MICAL3: variants seen among roughly 807,000 people sequenced by gnomAD.
MICAL3 encodes the protein microtubule associated monooxygenase, calponin and LIM domain containing 3.
Under a neutral mutation model 207.4 loss-of-function variants are expected in MICAL3, and 62 were observed. The observed-to-expected ratio is 0.30, with a 90% CI of 0.24 to 0.37. The LOEUF (loss-of-function observed/expected upper bound fraction) is 0.37. Among genes scored for constraint, MICAL3 ranks in the 10% least tolerant of loss-of-function variants. MICAL3 has a pLI of 1.00. For missense variants in MICAL3, 2,368 were observed against 2,635.6 expected (o/e 0.90, Z 2.22); for synonymous variants, 1,077 against 1,069.3 (o/e 1.01, Z -0.14).
At chr22:17,876,873 AGGGAGG>A (rs2146188838) in intron 16 of MICAL3, 2 of 141,834 alleles carry the variant, frequency 1.4e-5, no homozygotes, top group South Asian at 2.1e-4. Context: ...TAGGGAGGTT[AGGGAGG>A]TTAGGGAGGT....
At chr22:17,933,592 G>T (rs142470965) in intron 1 of MICAL3, among the ~76,000 whole-genome samples, 3,643 of 151,938 alleles carry the variant, frequency 0.024, 165 homozygotes, top group African/African-American at 0.085. Context: ...ACATTCAAAA[G>T]CTAGCAGAAG....
At chr22:17,855,103 CCTCT>C (rs1256370734) in intron 19 of MICAL3, among the ~76,000 whole-genome samples, 3 of 152,212 alleles carry the variant, frequency 2.0e-5, no homozygotes, top group African/African-American at 7.2e-5. Context: ...TTCCTGAAAA[CCTCT>C]CTATGCCGAA....
In MICAL3 at chr22:17,899,455, A is replaced by G. The variant is rs1946709843; in HGVS notation, c.941T>C (p.Ile314Thr). 6.3e-7 allele frequency: 1 copy of G among 1,599,374 alleles called. No individual in the cohort carries two copies. Among genetic ancestry groups the G allele is most frequent in the African/African-American group, 1.3e-5 (1 of 74,728 alleles). Reference sequence around the variant, plus strand: ...AGGAAATCCGTGGCTCACATGTAGTATCACTCCTTTGTCCAGCAAACTCTG... The same window carrying G: ...AGGAAATCCGTGGCTCACATGTAGTGTCACTCCTTTGTCCAGCAAACTCTG... ...KKQSLLDKGVILHDYADTELL... is the reference protein window; with the variant it reads ...KKQSLLDKGVTLHDYADTELL... The change falls in exon 7 of 32, where the codon ATA (isoleucine) becomes ACA (threonine). Residue 314 changes from isoleucine (I) to threonine (T), a missense_variant. Transcript: ENST00000441493.
At chr22:17,925,459 T>C (rs1249591304) in intron 1 of MICAL3, among the ~76,000 whole-genome samples, 1 of 152,200 alleles carries the variant, frequency 6.6e-6, no homozygotes, top group Admixed American at 6.5e-5. Flanking sequence ...GGATATTTAA[T>C]ATCTCCCAAA....
At chr22:17,971,475 A>G (rs1237389485) in intron 1 of MICAL3, among the ~76,000 whole-genome samples, 1 of 152,152 alleles carries the variant, frequency 6.6e-6, no homozygotes, top group Non-Finnish European at 1.5e-5. Flanking sequence ...GCAAGACTCC[A>G]TGTCAAAACA....
intron 6 of MICAL3, 144 bp from the exon 7 acceptor site, chr22:17,899,692 T>C (rs1173017396): frequency 1.6e-6 from 1 of 625,776 alleles, no homozygotes; most frequent in Admixed American, 2.7e-5. Context: ...GATTCTCACG[T>C]CCTGTATCAT....
At chr22:17,946,817 T>C (rs1934089368) in intron 1 of MICAL3, among the ~76,000 whole-genome samples, 1 of 152,146 alleles carries the variant, frequency 6.6e-6, no homozygotes, top group African/African-American at 2.4e-5. Flanking sequence ...GGTGGGCAAG[T>C]TCCTACAAGC....
chr22:17,853,914 C>T (rs1022000766), intron 19 of MICAL3, among the ~76,000 whole-genome samples: 12 of 152,178 alleles, frequency 7.9e-5, no homozygotes, highest in African/African-American at 1.4e-4. Flanking sequence ...TACAGGGTCC[C>T]GACGTGTGAG....
At chr22:17,874,386 A>C (rs1928053628) in intron 16 of MICAL3, among the ~76,000 whole-genome samples, 1 of 152,180 alleles carries the variant, frequency 6.6e-6, no homozygotes. Context: ...CATTTCTCTC[A>C]TTCTGCAGCA....
chr22:17,979,627 G>T (rs1182701307), intron 1 of MICAL3, among the ~76,000 whole-genome samples: 1 of 152,022 alleles, frequency 6.6e-6, no homozygotes. Flanking sequence ...ATTCCCCACG[G>T]CATCCAGCGC....
rs752699553 is a variant in MICAL3, at chr22:17,871,988, T to A, written c.2277A>T (p.Gly759=). 1 of 1,609,892 alleles carries A rather than the reference T, an allele frequency of 6.2e-7. No homozygotes were observed. Among genetic ancestry groups the A allele is most frequent in the Non-Finnish European group, 8.5e-7 (1 of 1,178,474 alleles). The change falls in exon 17 of 32, where the codon GGA becomes GGT. Residue 759 remains glycine (G), a synonymous_variant. Transcript: ENST00000441493. ...SMKKEFPQNL[G]GSDTCYFCQK... is the part of the protein sequence containing the mutation. ...GGCAGAAGTAGCATGTGTCGCTGCC[T>A]CCCAGGTTCTGCGGGAACTCCTTCT...
chr22:17,809,076 G>C lies in MICAL3; in HGVS notation c.5557-139C>G, dbSNP rs970998194. On this transcript the variant is annotated intron_variant, in intron 28 of 31. Coordinates refer to ENST00000441493, the MANE Select transcript of MICAL3 (RefSeq NM_015241.3). The stretch of plus-strand genomic sequence containing the variant: ...CTAGTCTGTGGGCGGTGCGCTCAGG[G>C]TGTGGCGTGGAGACCACCTGCACCA... The C allele has an allele frequency of 2.9e-5, 20 of 699,070 alleles. No individual in the cohort carries two copies. The African/African-American group carries it at 3.2e-4, about 11-fold the overall frequency. 43.3% of individuals were successfully genotyped at this position (699,070 alleles called of 1,614,324 possible). A position where few individuals can be genotyped will look rare whatever the true frequency, so the allele number is the denominator to read the frequency against.
chr22:17,865,386 C>CA, intron 18 of MICAL3, among the ~76,000 whole-genome samples: 1 of 152,310 alleles, frequency 6.6e-6, no homozygotes, highest in East Asian at 1.9e-4. Context: ...TTCACCGCGA[C>CA]AAAGACAGGT....
At chr22:17,857,919 G>A (rs1926104400) in intron 19 of MICAL3, among the ~76,000 whole-genome samples, 1 of 152,238 alleles carries the variant, frequency 6.6e-6, no homozygotes, top group Non-Finnish European at 1.5e-5. Flanking sequence ...CTGAGTTAGG[G>A]TGAAGATGCT....
chr22:17,897,456 G>C lies in MICAL3; in HGVS notation c.949-475C>G, dbSNP rs951350378. Among the ~76,000 whole-genome samples the C allele has an allele frequency of 7.9e-5, 12 of 151,460 alleles. 1 individual carries two copies. In the South Asian group the frequency reaches 8.4e-4, roughly 11 times the overall value. On this transcript the variant is annotated intron_variant, in intron 7 of 31. Transcript: ENST00000441493. Reference sequence around the variant, plus strand: ...AAAAAAAAAAAAAAAGAGGGGTTTGGGGGGTGGATTATTCCCGAGAGAACA... The same window carrying C: ...AAAAAAAAAAAAAAAGAGGGGTTTGCGGGGTGGATTATTCCCGAGAGAACA...
intron 16 of MICAL3, 59 bp downstream of exon 16, chr22:17,885,819 T>G: frequency 6.5e-7 from 1 of 1,545,072 alleles, no homozygotes; most frequent in Non-Finnish European, 8.9e-7. Flanking sequence ...ATGGAAAAGA[T>G]CCCCCCTTCT....
intron 1 of MICAL3, 85 bp downstream of exon 1, chr22:18,024,191 TAAATA>T (rs1326325583): frequency 6.6e-6 from 1 of 152,230 alleles, no homozygotes; most frequent in Non-Finnish European, 1.5e-5. Context: ...ATAAGCAATC[TAAATA>T]AATGATTCTT....
intron 1 of MICAL3, among the ~76,000 whole-genome samples, chr22:17,988,011 G>A (rs1409476603): frequency 6.6e-6 from 1 of 152,142 alleles, no homozygotes; most frequent in Admixed American, 6.5e-5. Flanking sequence ...TCACAGCAGG[G>A]GGCACCTGCT....
intron 19 of MICAL3, among the ~76,000 whole-genome samples, chr22:17,847,204 C>T (rs184061020): frequency 6.6e-6 from 1 of 152,186 alleles, no homozygotes; most frequent in Non-Finnish European, 1.5e-5. Flanking sequence ...TTCAGGGCTC[C>T]GCGCCGCTGA....
Sources: gnomAD v4.1 joint callset for allele counts (sites outside exome capture counted in the v4.1 genomes callset) on GRCh38, gnomAD v4.1.1 for gene constraint, MANE v1.5 for transcripts, NCBI Gene and HGNC (gene_info 2026-07-23, HGNC 2026-07-21) for gene names.